LRRC8B: variants seen among roughly 807,000 people sequenced by gnomAD.
The protein encoded by LRRC8B is volume-regulated anion channel subunit LRRC8B.
Under a neutral mutation model 58.8 loss-of-function variants are expected in LRRC8B, and 23 were observed. The ratio of observed to expected loss-of-function variants is 0.39; its 90% CI spans 0.28 to 0.55. The LOEUF (loss-of-function observed/expected upper bound fraction) is 0.55, where lower values mean the gene tolerates loss of function less well. Ranked by LOEUF, LRRC8B falls within the 20% of genes least tolerant of loss-of-function variation. LRRC8B has a pLI of 0.62. For synonymous variants in LRRC8B, 359 were observed against 374.1 expected (o/e 0.96, Z 0.47); for missense variants, 694 against 936.0 (o/e 0.74, Z 3.37).
intron 1 of LRRC8B, among the ~76,000 whole-genome samples, chr1:89,541,430 G>A (rs1219551903): frequency 6.6e-6 from 1 of 152,136 alleles, no homozygotes; most frequent in Non-Finnish European, 1.5e-5. Flanking sequence ...CTGGCTTTCT[G>A]GCCGGGCGCG....
intron 1 of LRRC8B, among the ~76,000 whole-genome samples, chr1:89,533,546 T>C (rs1650298869): frequency 6.6e-6 from 1 of 152,172 alleles, no homozygotes; most frequent in African/African-American, 2.4e-5. Context: ...GCATACCTTT[T>C]CTGAAAGACC....
chr1:89,572,892 A>C (rs1271754216), intron 3 of LRRC8B, among the ~76,000 whole-genome samples: 1 of 152,236 alleles, frequency 6.6e-6, no homozygotes, highest in Non-Finnish European at 1.5e-5. Context: ...AAAACTTCAA[A>C]GAATTGAGAG....
intron 1 of LRRC8B, among the ~76,000 whole-genome samples, chr1:89,561,260 T>G (rs1270066318): frequency 2.7e-5 from 4 of 149,350 alleles, no homozygotes; most frequent in African/African-American, 4.9e-5. Flanking sequence ...TAAATTTGTT[T>G]GAGTTCACTG....
chr1:89,578,870 T>C (rs904291338), intron 3 of LRRC8B, among the ~76,000 whole-genome samples: 2 of 152,204 alleles, frequency 1.3e-5, no homozygotes, highest in Non-Finnish European at 2.9e-5. Context: ...TATCACAAAT[T>C]ATTGAACTAT....
rs990110395 is a variant in LRRC8B, at chr1:89,595,574, G to A, written c.*2531G>A. On this transcript the variant is annotated 3_prime_UTR_variant, in exon 6 of 6. Coordinates refer to ENST00000330947, the MANE Select transcript of LRRC8B (RefSeq NM_001369817.2). ...AGAATTTACTAGCAGGATTAATAAT[G>A]AATATTATAAACTGCTTTCCACACA... The A allele has an allele frequency of 2.6e-5, 4 of 152,064 alleles. No individual in the cohort carries two copies. The highest frequency in any genetic ancestry group is 5.9e-5 in the Non-Finnish European group (4 of 67,950). The allele number at this position is 152,064 out of a possible 1,614,324, so 9.4% of individuals were successfully genotyped here. A position where few individuals can be genotyped will look rare whatever the true frequency, so the allele number is the denominator to read the frequency against.
chr1:89,568,761 T>A (rs1653219701), intron 3 of LRRC8B, among the ~76,000 whole-genome samples: 1 of 152,176 alleles, frequency 6.6e-6, no homozygotes, highest in African/African-American at 2.4e-5. Flanking sequence ...TGTCATTTTT[T>A]AACAGTAAAA....
chr1:89,525,766 T>G (rs1053488904), intron 1 of LRRC8B, among the ~76,000 whole-genome samples: 2 of 151,590 alleles, frequency 1.3e-5, no homozygotes, highest in Non-Finnish European at 2.9e-5. Context: ...TGTGGAAAAC[T>G]TTTTTTTTCT....
rs138379317 is a variant in LRRC8B at position 89,540,734 on chromosome 1, G to A, written c.-241+15712G>A. Among the ~76,000 whole-genome samples the A allele has an allele frequency of 7.9e-3, 1,198 of 152,304 alleles. 17 individuals carry two copies. Among genetic ancestry groups the A allele is most frequent in the African/African-American group, 0.027 (1,110 of 41,560 alleles). On this transcript the variant is annotated intron_variant, in intron 1 of 5. Transcript: ENST00000330947. ...CAGATTAGTTTTGGGAAGTAACACT[G>A]GCAACTGTGTGGAGGGTGTGCTGAA...
At chr1:89,536,414 A>G (rs1213986523) in intron 1 of LRRC8B, among the ~76,000 whole-genome samples, 2 of 152,216 alleles carry the variant, frequency 1.3e-5, no homozygotes, top group African/African-American at 4.8e-5. Flanking sequence ...CCTTAAAGTG[A>G]TAGTATGAAG....
At chr1:89,535,805 T>G (rs1420323863) in intron 1 of LRRC8B, among the ~76,000 whole-genome samples, 3 of 152,204 alleles carry the variant, frequency 2.0e-5, no homozygotes, top group African/African-American at 7.2e-5. Flanking sequence ...AAAAAAATGC[T>G]TAAGCATTTT....
chr1:89,589,459 T>C (rs1047548318), intron 5 of LRRC8B, among the ~76,000 whole-genome samples: 2 of 152,060 alleles, frequency 1.3e-5, no homozygotes, highest in East Asian at 1.9e-4. Context: ...TTGATTGTAA[T>C]GGAGAGAAGC....
chr1:89,594,208 G>A lies in LRRC8B; in HGVS notation c.*1165G>A, dbSNP rs569501775. The A allele has an allele frequency of 6.6e-6, 1 of 152,220 alleles. No individual in the cohort carries two copies. Among genetic ancestry groups the A allele is most frequent in the East Asian group, 1.9e-4 (1 of 5,186 alleles). 9.4% of individuals were successfully genotyped at this position (152,220 alleles called of 1,614,324 possible). A position where few individuals can be genotyped will look rare whatever the true frequency, so the allele number is the denominator to read the frequency against. ...TTGTGCATTTCTTTATGAACTTACT[G>A]TTAGTGTTCTTGGTTTCGGCTGTTT... On this transcript the variant is annotated 3_prime_UTR_variant, in exon 6 of 6. Coordinates refer to ENST00000330947, the MANE Select transcript of LRRC8B (RefSeq NM_001369817.2).
chr1:89,538,290 CAG>C (rs1404078742), intron 1 of LRRC8B, among the ~76,000 whole-genome samples: 4 of 152,108 alleles, frequency 2.6e-5, no homozygotes, highest in Non-Finnish European at 5.9e-5. Flanking sequence ...AAATAAGAAA[CAG>C]AGGTCTTGAA....
At chr1:89,572,999 T>A (rs1346819501) in intron 3 of LRRC8B, among the ~76,000 whole-genome samples, 1 of 152,082 alleles carries the variant, frequency 6.6e-6, no homozygotes, top group African/African-American at 2.4e-5. Context: ...TTCCTTAAAG[T>A]TTAGGATAAC....
chr1:89,527,545 A>G (rs1649795646), intron 1 of LRRC8B, among the ~76,000 whole-genome samples: 1 of 152,244 alleles, frequency 6.6e-6, no homozygotes, highest in African/African-American at 2.4e-5. Context: ...ACCCAGTTAT[A>G]GTGTAGAATT....
At chr1:89,536,658 T>C (rs978262576) in intron 1 of LRRC8B, among the ~76,000 whole-genome samples, 11 of 152,186 alleles carry the variant, frequency 7.2e-5, no homozygotes, top group African/African-American at 2.4e-4. Context: ...TAAAGTGCTA[T>C]GAAGAACAGT....
intron 1 of LRRC8B, among the ~76,000 whole-genome samples, chr1:89,541,579 C>T (rs1198208743): frequency 6.7e-6 from 1 of 149,634 alleles, no homozygotes; most frequent in Non-Finnish European, 1.5e-5. Context: ...GGCGTAGTGG[C>T]GGGCGCCTGT....
chr1:89,535,556 C>T (rs189291027), intron 1 of LRRC8B, among the ~76,000 whole-genome samples: 3 of 152,230 alleles, frequency 2.0e-5, no homozygotes, highest in Non-Finnish European at 4.4e-5. Flanking sequence ...AAGAACATCA[C>T]CTTTATAAAT....
chr1:89,558,214 C>T (rs1652336331), intron 1 of LRRC8B, among the ~76,000 whole-genome samples: 1 of 152,086 alleles, frequency 6.6e-6, no homozygotes. Flanking sequence ...GATCAGTGAT[C>T]ACTGTGATCA....
Sources: allele counts gnomAD v4.1 joint callset (sites outside exome capture counted in the v4.1 genomes callset), GRCh38; gene constraint gnomAD v4.1.1; transcripts MANE v1.5; gene names NCBI Gene and HGNC (gene_info 2026-07-23, HGNC 2026-07-21).